Variants in MOB3B observed in about 807,000 individuals in gnomAD.
The protein encoded by MOB3B is MOB kinase activator-like 2B.
In MOB3B, 7 loss-of-function variants were observed where a neutral mutation model predicts 18.7. The observed-to-expected ratio is 0.37, with a 90% confidence interval of 0.21 to 0.70. MOB3B has a LOEUF of 0.70. Among genes scored for constraint, MOB3B ranks in the 30% least tolerant of loss-of-function variants. The pLI is 0.52. For missense variants in MOB3B, 253 were observed against 281.3 expected (o/e 0.90, Z 0.72); for synonymous variants, 111 against 99.9 (o/e 1.11, Z -0.66).
chr9:27,402,044 C>T (rs1376656696), intron 2 of MOB3B, among the ~76,000 whole-genome samples: 1 of 152,128 alleles, frequency 6.6e-6, no homozygotes, highest in Non-Finnish European at 1.5e-5. Flanking sequence ...CACTTGTGAC[C>T]AAGGGAAATA....
Position 27,327,016 on chromosome 9 carries a change from G to A in MOB3B, c.*3571C>T, listed in dbSNP as rs1394991359. 1 of 154,402 alleles carries A rather than the reference G, an allele frequency of 6.5e-6. No homozygotes were observed. Among genetic ancestry groups the A allele is most frequent in the Non-Finnish European group, 1.4e-5 (1 of 69,684 alleles). 9.6% of individuals were successfully genotyped at this position (154,402 alleles called of 1,614,324 possible). ...ATTGAAGACGGGAGAAAAAATAAAA[G>A]CGTTGAATATTTCACCTCTGGCTAC... On this transcript the variant is annotated 3_prime_UTR_variant, in exon 4 of 4. Coordinates refer to ENST00000262244, the MANE Select transcript of MOB3B (RefSeq NM_024761.5).
chr9:27,476,622 T>G (rs1031199574), intron 1 of MOB3B, among the ~76,000 whole-genome samples: 1 of 152,210 alleles, frequency 6.6e-6, no homozygotes, highest in Non-Finnish European at 1.5e-5. Context: ...CATATGAATT[T>G]GGGATGGGGA....
chr9:27,388,831 T>A (rs977231422), intron 2 of MOB3B, among the ~76,000 whole-genome samples: 9 of 152,182 alleles, frequency 5.9e-5, no homozygotes, highest in Admixed American at 5.9e-4. Context: ...ACATCCTCCG[T>A]GTCTTCTTCC....
At position 27,455,695 on chromosome 9, in the gene MOB3B, C is replaced by T. The variant is rs1822858728; in HGVS notation, c.-145G>A. Reference sequence around the variant, plus strand: ...CCTGTAGCTTTTAAGCTCTTCTAAACAGCCCCTTCCATCTTCCTCTTGAAT... The same window carrying T: ...CCTGTAGCTTTTAAGCTCTTCTAAATAGCCCCTTCCATCTTCCTCTTGAAT... On this transcript the variant is annotated 5_prime_UTR_variant, in exon 2 of 4. Transcript: ENST00000262244. 4.0e-6 allele frequency: 6 copies of T among 1,490,688 alleles called. No homozygotes were observed. The highest frequency in any genetic ancestry group is 5.3e-6 in the Non-Finnish European group (6 of 1,131,386). The allele number at this position is 1,490,688 out of a possible 1,614,324, so 92.3% of individuals were successfully genotyped here. A position where few individuals can be genotyped will look rare whatever the true frequency, so the allele number is the denominator to read the frequency against.
At chr9:27,342,148 A>G (rs971130970) in intron 3 of MOB3B, among the ~76,000 whole-genome samples, 2 of 152,176 alleles carry the variant, frequency 1.3e-5, no homozygotes, top group African/African-American at 4.8e-5. Flanking sequence ...CCCGGCATTT[A>G]GCATGGGGGT....
chr9:27,512,157 C>T (rs1820156782), intron 1 of MOB3B, among the ~76,000 whole-genome samples: 1 of 152,114 alleles, frequency 6.6e-6, no homozygotes, highest in Non-Finnish European at 1.5e-5. Context: ...GGTCTATGTC[C>T]CTGACCACTG....
intron 3 of MOB3B, among the ~76,000 whole-genome samples, chr9:27,347,705 A>C (rs182355289): frequency 6.6e-6 from 1 of 152,206 alleles, no homozygotes; most frequent in African/African-American, 2.4e-5. Flanking sequence ...TTCATGGCAA[A>C]TGCCCTAGGC....
At chr9:27,419,794 A>G (rs1364535061) in intron 2 of MOB3B, among the ~76,000 whole-genome samples, 1 of 152,208 alleles carries the variant, frequency 6.6e-6, no homozygotes, top group African/African-American at 2.4e-5. Flanking sequence ...AAAAACAAAG[A>G]CAAATAGCTG....
chr9:27,529,732 C>A lies in MOB3B; in HGVS notation c.-376G>T. The stretch of plus-strand genomic sequence containing the variant: ...GAGCCAACCGGCGGACGGGCGAGCG[C>A]CTGGCTCCAGCTGCAGCCGCCGTCG... On this transcript the variant is annotated 5_prime_UTR_variant, in exon 1 of 4. Coordinates refer to ENST00000262244, the MANE Select transcript of MOB3B (RefSeq NM_024761.5). 1.0e-6 allele frequency: 1 copy of A among 985,462 alleles called. No homozygotes were observed. Among genetic ancestry groups the A allele is most frequent in the South Asian group, 4.7e-5 (1 of 21,294 alleles). The allele number at this position is 985,462 out of a possible 1,614,324, so 61.0% of individuals were successfully genotyped here.
intron 2 of MOB3B, among the ~76,000 whole-genome samples, chr9:27,389,414 T>TTACTTGAACATGCCGAGAGCTTCTC (rs60708428): frequency 0.3 from 44,779 of 150,260 alleles, 8,004 homozygotes; most frequent in East Asian, 0.66. Context: ...TTCTTTCCAA[T>TTACTTGAACATGCCGAGAGCTTCTC]TACTTGAACA....
chr9:27,508,838 G>A lies in MOB3B; in HGVS notation c.-199+20717C>T, dbSNP rs150561257. Among the ~76,000 whole-genome samples the A allele has an allele frequency of 2.3e-4, 35 of 152,218 alleles. No individual in the cohort carries two copies. In the East Asian group the frequency reaches 6.4e-3, roughly 28 times the overall value. On this transcript the variant is annotated intron_variant, in intron 1 of 3. Transcript: ENST00000262244. ...TATTGAAGAAAATAGGGCCCATTGAGGCTGTTTTCCAAGGTCAAACACTTC... is the reference window on the plus strand; with the variant it reads ...TATTGAAGAAAATAGGGCCCATTGAAGCTGTTTTCCAAGGTCAAACACTTC...
At chr9:27,447,370 T>C (rs1822708864) in intron 2 of MOB3B, among the ~76,000 whole-genome samples, 1 of 152,164 alleles carries the variant, frequency 6.6e-6, no homozygotes, top group Non-Finnish European at 1.5e-5. Flanking sequence ...TGGCTACAAA[T>C]GACAAATGAC....
Position 27,326,711 on chromosome 9 carries a change from C to A in MOB3B, c.*3876G>T, listed in dbSNP as rs1820716715. 5.0e-6 allele frequency: 2 copies of A among 397,290 alleles called. No individual in the cohort carries two copies. The allele number at this position is 397,290 out of a possible 1,614,324, so 24.6% of individuals were successfully genotyped here. On this transcript the variant is annotated 3_prime_UTR_variant, in exon 4 of 4. Transcript: ENST00000262244. Reference sequence around the variant, plus strand: ...GGGTCTTTGGAAATGAGAAAATACCCAGGGAAGAGAAAACGAACAATTTAA... The same window carrying A: ...GGGTCTTTGGAAATGAGAAAATACCAAGGGAAGAGAAAACGAACAATTTAA...
intron 1 of MOB3B, among the ~76,000 whole-genome samples, chr9:27,509,124 G>C (rs1270636765): frequency 6.6e-6 from 1 of 152,218 alleles, no homozygotes; most frequent in Admixed American, 6.5e-5. Flanking sequence ...AAATTGTTGA[G>C]TGACTAATAC....
chr9:27,512,560 C>T (rs1820163038), intron 1 of MOB3B, among the ~76,000 whole-genome samples: 1 of 152,030 alleles, frequency 6.6e-6, no homozygotes, highest in Admixed American at 6.6e-5. Context: ...TTTAGTTTTT[C>T]TGTGACACAA....
chr9:27,384,165 C>G (rs1263892811), intron 2 of MOB3B, among the ~76,000 whole-genome samples: 1 of 152,060 alleles, frequency 6.6e-6, no homozygotes, highest in Non-Finnish European at 1.5e-5. Context: ...AATTATTATT[C>G]CCACTTTCCA....
intron 1 of MOB3B, among the ~76,000 whole-genome samples, chr9:27,523,434 A>C (rs780325846): frequency 6.7e-6 from 1 of 148,458 alleles, no homozygotes; most frequent in Non-Finnish European, 1.5e-5. Context: ...GCAATCAAGC[A>C]AAAGTTTAAA....
chr9:27,342,059 G>A (rs12376262), intron 3 of MOB3B, among the ~76,000 whole-genome samples: 34,197 of 152,018 alleles, frequency 0.22, 4,021 homozygotes, highest in East Asian at 0.28. Context: ...TTTTATTGGA[G>A]TAAGCCACAC....
At chr9:27,477,570 C>T (rs1819573545) in intron 1 of MOB3B, among the ~76,000 whole-genome samples, 1 of 152,206 alleles carries the variant, frequency 6.6e-6, no homozygotes, top group Non-Finnish European at 1.5e-5. Context: ...AAGTCAGGAA[C>T]ATGATAGGTG....
Sources: gnomAD v4.1 joint callset for allele counts (sites outside exome capture counted in the v4.1 genomes callset) on GRCh38, gnomAD v4.1.1 for gene constraint, MANE v1.5 for transcripts, NCBI Gene and HGNC (gene_info 2026-07-23, HGNC 2026-07-21) for gene names.